Variants in KCNN2 observed in about 807,000 individuals in gnomAD.
The protein encoded by KCNN2 is small conductance calcium-activated potassium channel protein 2.
KCNN2 carries 24 observed loss-of-function variants against 55.5 expected under a neutral mutation model. That is an observed-to-expected ratio of 0.43 (90% CI 0.31 to 0.61). KCNN2 has a LOEUF of 0.61. Among genes scored for constraint, KCNN2 ranks in the 20% least tolerant of loss-of-function variants. The probability of loss-of-function intolerance (pLI) is 0.08; values close to 1 mark genes in which losing one functional copy is unlikely to be tolerated. For missense variants in KCNN2, 754 were observed against 853.6 expected, an observed-to-expected ratio of 0.88 and a Z score of 1.45; for synonymous variants, 431 against 336.1, an observed-to-expected ratio of 1.28 and a Z score of -3.09.
At chr5:114,247,335 G>A (rs958704559) in intron 2 of KCNN2, among the ~76,000 whole-genome samples, 21 of 151,940 alleles carry the variant, frequency 1.4e-4, no homozygotes, top group Admixed American at 4.6e-4. Flanking sequence ...ACTTGAAGAT[G>A]ATTCTTGGTC....
At chr5:114,312,386 TACACACACACACACACACAC>T (rs70976336) in intron 2 of KCNN2, among the ~76,000 whole-genome samples, 53 of 51,814 alleles carry the variant, frequency 1.0e-3, no homozygotes, top group African/African-American at 2.9e-3. Context: ...AAAAAGGAGA[TACACACACACACACACACAC>T]ACACACACAC....
intron 2 of KCNN2, among the ~76,000 whole-genome samples, chr5:114,383,392 G>A (rs1328633390): frequency 6.6e-6 from 1 of 151,054 alleles, no homozygotes; most frequent in East Asian, 2.0e-4. Context: ...TTGCCTGGGT[G>A]TGAATATGGT....
intron 1 of KCNN2, among the ~76,000 whole-genome samples, chr5:114,203,221 A>G (rs933409423): frequency 2.6e-5 from 4 of 152,298 alleles, no homozygotes; most frequent in Middle Eastern, 3.4e-3. Flanking sequence ...GTATTTTAAT[A>G]TTATGTCTCT....
chr5:114,402,206 T>A (rs746027020), intron 2 of KCNN2, among the ~76,000 whole-genome samples: 4 of 152,112 alleles, frequency 2.6e-5, no homozygotes, highest in Non-Finnish European at 5.9e-5. Flanking sequence ...AGATCCTTCT[T>A]AGGGAAGCAG....
At chr5:114,358,633 T>TA (rs1409599311), upstream of KCNN2, among the ~76,000 whole-genome samples, 11 of 147,886 alleles carry the variant, frequency 7.4e-5, no homozygotes, top group Non-Finnish European at 1.0e-4. Context: ...CTGGAAGTCA[T>TA]AGCCCTTGAT....
chr5:114,418,149 T>A (rs1360589448), intron 3 of KCNN2, among the ~76,000 whole-genome samples: 1 of 152,212 alleles, frequency 6.6e-6, no homozygotes, highest in Non-Finnish European at 1.5e-5. Context: ...ACATTAAGTG[T>A]GAAAAAAATT....
At chr5:114,383,408 AG>A (rs1166509936) in intron 2 of KCNN2, among the ~76,000 whole-genome samples, 1 of 148,416 alleles carries the variant, frequency 6.7e-6, no homozygotes, top group Non-Finnish European at 1.5e-5. Context: ...ATGGTCTTAG[AG>A]GGGAAGGTGA....
chr5:114,112,680 C>G (rs1475172722), intron 1 of KCNN2, among the ~76,000 whole-genome samples: 1 of 151,908 alleles, frequency 6.6e-6, no homozygotes, highest in Admixed American at 6.6e-5. Context: ...ATTTGTATTA[C>G]AAACCTCATT....
intron 2 of KCNN2, among the ~76,000 whole-genome samples, chr5:114,381,619 C>A (rs1260563626): frequency 6.6e-6 from 1 of 152,218 alleles, no homozygotes; most frequent in African/African-American, 2.4e-5. Context: ...TCTTCTAATT[C>A]TTGATTTTAC....
At chr5:114,113,658 A>C (rs1751650806) in intron 1 of KCNN2, among the ~76,000 whole-genome samples, 1 of 152,136 alleles carries the variant, frequency 6.6e-6, no homozygotes, top group Non-Finnish European at 1.5e-5. Context: ...GACATGTGAC[A>C]AGGCAAAGGA....
chr5:114,426,011 C>T lies in KCNN2; in HGVS notation c.1637+21155C>T, dbSNP rs369137752. ...CCTGGGCAACATTACAAAACCCCAT[C>T]TCTACCAAAAAAAAAAAAAAATTAG... On this transcript the variant is annotated intron_variant, in intron 3 of 7. Transcript: ENST00000673685. Among the ~76,000 whole-genome samples, 79 of 148,184 alleles carry T rather than the reference C, an allele frequency of 5.3e-4. No homozygotes were observed. The South Asian group carries it at 9.4e-3, about 18-fold the overall frequency.
rs865775905 is a variant in KCNN2 at position 114,144,472 on chromosome 5, T to C, written c.-270-77008T>C. Among the ~76,000 whole-genome samples the C allele has an allele frequency of 5.3e-5, 8 of 152,242 alleles. 1 individual carries two copies. Among genetic ancestry groups the C allele is most frequent in the Middle Eastern group, 6.8e-3 (2 of 294 alleles). ...TCAAGCCCATCATTACTGCAATTAA[T>C]GTAAAAATAAATAGTTTACTCCTTT... is the stretch of plus-strand genomic sequence containing the variant. On this transcript the variant is annotated intron_variant, in intron 1 of 10. Transcript: ENST00000512097.
intron 2 of KCNN2, among the ~76,000 whole-genome samples, chr5:114,281,169 T>C (rs1263382836): frequency 6.6e-6 from 1 of 152,154 alleles, no homozygotes; most frequent in Non-Finnish European, 1.5e-5. Flanking sequence ...TGCTTAACAT[T>C]ATATTGTATA....
chr5:114,140,461 C>A (rs1350236991), intron 1 of KCNN2, among the ~76,000 whole-genome samples: 1 of 152,090 alleles, frequency 6.6e-6, no homozygotes, highest in African/African-American at 2.4e-5. Flanking sequence ...AAGAATTAAT[C>A]CCTAAAAGAT....
intron 2 of KCNN2, among the ~76,000 whole-genome samples, chr5:114,399,310 T>C (rs1328860407): frequency 4.6e-5 from 7 of 152,116 alleles, no homozygotes; most frequent in Non-Finnish European, 8.8e-5. Flanking sequence ...TTGTGTGTGT[T>C]CAGGGTAGTA....
intron 1 of KCNN2, among the ~76,000 whole-genome samples, chr5:114,063,000 A>C (rs1164637783): frequency 2.0e-5 from 3 of 152,234 alleles, no homozygotes; most frequent in Non-Finnish European, 2.9e-5. Context: ...CCAGTCAAAG[A>C]TAAAGCTTGA....
At chr5:114,386,205 G>A (rs114368411) in intron 2 of KCNN2, among the ~76,000 whole-genome samples, 2,548 of 147,338 alleles carry the variant, frequency 0.017, 40 homozygotes, top group Non-Finnish European at 0.028. Flanking sequence ...AAAAAAAAGT[G>A]AAGTATAGAG....
intron 5 of KCNN2, among the ~76,000 whole-genome samples, chr5:114,483,748 G>A (rs1364154429): frequency 7.8e-6 from 1 of 128,052 alleles, no homozygotes; most frequent in East Asian, 2.4e-4. Flanking sequence ...TGTGTGTAAA[G>A]ATGTTCCTGT....
At chr5:114,090,161 G>T (rs76042797) in intron 1 of KCNN2, among the ~76,000 whole-genome samples, 3,415 of 152,172 alleles carry the variant, frequency 0.022, 66 homozygotes, top group South Asian at 0.034. Flanking sequence ...GATTTTTAAT[G>T]ACCTAAAATT....
Sources: allele counts gnomAD v4.1 joint callset (sites outside exome capture counted in the v4.1 genomes callset), GRCh38; gene constraint gnomAD v4.1.1; transcripts MANE v1.5; gene names NCBI Gene and HGNC (gene_info 2026-07-23, HGNC 2026-07-21).